SDK1: variants seen among roughly 807,000 people sequenced by gnomAD.
The protein encoded by SDK1 is sidekick cell adhesion molecule 1, also known as protein sidekick-1.
In SDK1, 157 loss-of-function variants were observed where a neutral mutation model predicts 245.5. That is an observed-to-expected ratio of 0.64 (90% CI 0.56 to 0.73). The LOEUF (loss-of-function observed/expected upper bound fraction) is 0.73. Ranked by LOEUF, SDK1 falls within the 30% of genes least tolerant of loss-of-function variation. The pLI is 0.00. For missense variants in SDK1, 3,583 were observed against 3,002.3 expected (o/e 1.19, Z -4.52); for synonymous variants, 1,647 against 1,278.5 (o/e 1.29, Z -6.15).
chr7:3,785,592 T>C (rs1448660206), intron 4 of SDK1, among the ~76,000 whole-genome samples: 1 of 152,216 alleles, frequency 6.6e-6, no homozygotes, highest in African/African-American at 2.4e-5. Context: ...AATAATTATT[T>C]TCTTAACAGA....
chr7:3,931,122 A>G (rs1266480010), intron 5 of SDK1, among the ~76,000 whole-genome samples: 4 of 152,246 alleles, frequency 2.6e-5, no homozygotes, highest in Admixed American at 6.5e-5. Context: ...AGCCAAAGAC[A>G]GGATCCTTGG....
At chr7:3,691,374 C>T (rs1037418733) in intron 4 of SDK1, among the ~76,000 whole-genome samples, 6 of 152,102 alleles carry the variant, frequency 3.9e-5, no homozygotes, top group Non-Finnish European at 5.9e-5. Flanking sequence ...TCACAGTGGA[C>T]CCCTCCCTCC....
chr7:3,406,074 A>G (rs1391736573), intron 1 of SDK1, among the ~76,000 whole-genome samples: 1 of 151,906 alleles, frequency 6.6e-6, no homozygotes, highest in Non-Finnish European at 1.5e-5. Flanking sequence ...TGGCCTCCCA[A>G]AGTGCTGGGA....
At chr7:3,354,373 C>G (rs1307508276) in intron 1 of SDK1, among the ~76,000 whole-genome samples, 1 of 151,918 alleles carries the variant, frequency 6.6e-6, no homozygotes, top group Non-Finnish European at 1.5e-5. Flanking sequence ...ACCAATGTGA[C>G]TGTTTCATGC....
intron 1 of SDK1, among the ~76,000 whole-genome samples, chr7:3,310,544 G>A (rs1284298003): frequency 4.6e-5 from 7 of 152,164 alleles, no homozygotes; most frequent in Admixed American, 2.6e-4. Flanking sequence ...CAAAGGTGAC[G>A]TCCAGGTTTC....
intron 4 of SDK1, among the ~76,000 whole-genome samples, chr7:3,755,864 G>T (rs1335066457): frequency 6.6e-6 from 1 of 152,114 alleles, no homozygotes; most frequent in Non-Finnish European, 1.5e-5. Flanking sequence ...ACATGGCATA[G>T]TGCGTGTGAC....
chr7:3,644,541 G>T (rs1183572947), intron 4 of SDK1, among the ~76,000 whole-genome samples: 3 of 151,366 alleles, frequency 2.0e-5, no homozygotes, highest in African/African-American at 7.3e-5. Flanking sequence ...GATTGCTTGA[G>T]TTTAAAGCAA....
At chr7:4,219,487 G>A (rs1437450726) in intron 38 of SDK1, among the ~76,000 whole-genome samples, 5 of 152,172 alleles carry the variant, frequency 3.3e-5, no homozygotes, top group East Asian at 3.8e-4. Flanking sequence ...GAGCATGTGC[G>A]GAGAACCTCC....
chr7:4,055,826 A>G (rs537522577), intron 19 of SDK1, among the ~76,000 whole-genome samples: 6 of 151,988 alleles, frequency 3.9e-5, no homozygotes, highest in African/African-American at 4.8e-5. Context: ...TTGACACTCT[A>G]TGCTTTCATT....
chr7:4,099,477 C>T (rs1198677501), intron 22 of SDK1, among the ~76,000 whole-genome samples: 11 of 129,668 alleles, frequency 8.5e-5, no homozygotes, highest in African/African-American at 2.3e-4. Flanking sequence ...TCTCAGCGGG[C>T]TCCGGGGCTG....
At chr7:3,942,128 G>A (rs933002549) in intron 5 of SDK1, among the ~76,000 whole-genome samples, 2 of 152,010 alleles carry the variant, frequency 1.3e-5, no homozygotes, top group South Asian at 2.1e-4. Flanking sequence ...GGATGGTCTC[G>A]ATCTCCTGAC....
At chr7:3,821,295 C>A (rs562277506) in intron 4 of SDK1, among the ~76,000 whole-genome samples, 155 bp from the exon 5 acceptor site, 1 of 152,182 alleles carries the variant, frequency 6.6e-6, no homozygotes, top group Admixed American at 6.5e-5. Flanking sequence ...CTGGCGTTGT[C>A]GTATTCTTAA....
chr7:4,137,890 G>T (rs905268943), intron 28 of SDK1, among the ~76,000 whole-genome samples: 4 of 152,110 alleles, frequency 2.6e-5, no homozygotes, highest in Non-Finnish European at 4.4e-5. Flanking sequence ...AAAAATGCAA[G>T]GACTGCTACT....
intron 18 of SDK1, among the ~76,000 whole-genome samples, chr7:4,050,334 C>G (rs1162208836): frequency 6.6e-6 from 1 of 152,220 alleles, no homozygotes; most frequent in Non-Finnish European, 1.5e-5. Context: ...TTTTCCCTGC[C>G]TTTCGTTTAC....
intron 5 of SDK1, among the ~76,000 whole-genome samples, chr7:3,827,300 T>C (rs112494115): frequency 9.7e-4 from 147 of 152,290 alleles, no homozygotes; most frequent in African/African-American, 3.4e-3. Context: ...TTCAGTCCTT[T>C]CATATTCACA....
chr7:3,579,062 A>G lies in SDK1; in HGVS notation c.299-40018A>G, dbSNP rs111960448. On this transcript the variant is annotated intron_variant, in intron 1 of 44. Coordinates refer to ENST00000404826, the MANE Select transcript of SDK1 (RefSeq NM_152744.4). ...TGCCGCGGCTCCAGCTGGTCCCTCC[A>G]TTTGGTGTCCCTGACTTCCTGCAAC... 5.5e-3 allele frequency among the ~76,000 whole-genome samples: 830 copies of G among 152,042 alleles called. 11 individuals are homozygous for G. The highest frequency in any genetic ancestry group is 0.018 in the South Asian group (88 of 4,814).
intron 5 of SDK1, among the ~76,000 whole-genome samples, chr7:3,874,425 G>A (rs1391860172): frequency 2.0e-5 from 3 of 152,066 alleles, no homozygotes; most frequent in East Asian, 3.9e-4. Flanking sequence ...TCATGTGTGT[G>A]CAGGGATTGA....
chr7:3,415,489 A>G (rs1779336838), intron 1 of SDK1, among the ~76,000 whole-genome samples: 2 of 152,094 alleles, frequency 1.3e-5, no homozygotes, highest in African/African-American at 4.8e-5. Flanking sequence ...TGATTAAAAA[A>G]CAATGATGAG....
intron 28 of SDK1, among the ~76,000 whole-genome samples, chr7:4,138,402 A>G (rs622817): frequency 0.83 from 125,830 of 152,162 alleles, 52,377 homozygotes; most frequent in African/African-American, 0.92. Context: ...TGAAAAACTC[A>G]TACTGAGTGT....
Sources: gnomAD v4.1 joint callset for allele counts (sites outside exome capture counted in the v4.1 genomes callset) on GRCh38, gnomAD v4.1.1 for gene constraint, MANE v1.5 for transcripts, NCBI Gene and HGNC (gene_info 2026-07-23, HGNC 2026-07-21) for gene names.